RBFOX1: variants seen among roughly 807,000 people sequenced by gnomAD.
The protein encoded by RBFOX1 is RNA binding fox-1 homolog 1, also known as RNA binding protein fox-1 homolog 1.
A neutral mutation model predicts 57.7 loss-of-function variants in RBFOX1; 8 were observed. That is an observed-to-expected ratio of 0.14 (90% CI 0.08 to 0.25). The LOEUF (loss-of-function observed/expected upper bound fraction) is 0.25, where lower values mean the gene tolerates loss of function less well. Ranked by LOEUF, RBFOX1 falls within the 10% of genes least tolerant of loss-of-function variation. The probability of loss-of-function intolerance (pLI) is 1.00; values close to 1 mark genes in which losing one functional copy is unlikely to be tolerated. For synonymous variants in RBFOX1, 326 were observed against 222.4 expected (o/e 1.47, Z -4.15); for missense variants, 611 against 548.5 (o/e 1.11, Z -1.14).
At chr16:7,677,262 C>T (rs1030739018) in intron 14 of RBFOX1, among the ~76,000 whole-genome samples, 31 of 151,970 alleles carry the variant, frequency 2.0e-4, no homozygotes, top group Admixed American at 2.0e-3. Context: ...CAATTTCAAG[C>T]CCCTTTCCTT....
At chr16:5,841,497 A>C (rs1404811380) in intron 3 of RBFOX1, among the ~76,000 whole-genome samples, 3 of 152,216 alleles carry the variant, frequency 2.0e-5, no homozygotes, top group Non-Finnish European at 4.4e-5. Flanking sequence ...CAGATATAAC[A>C]AGTAAAATAC....
intron 3 of RBFOX1, among the ~76,000 whole-genome samples, chr16:6,725,753 A>G (rs2067036929): frequency 6.6e-6 from 1 of 152,096 alleles, no homozygotes; most frequent in Admixed American, 6.6e-5. Flanking sequence ...TTTTTCTATA[A>G]ATGAACCAAA....
intron 10 of RBFOX1, among the ~76,000 whole-genome samples, chr16:7,620,916 G>C (rs2059213955): frequency 6.6e-6 from 1 of 152,030 alleles, no homozygotes; most frequent in Non-Finnish European, 1.5e-5. Flanking sequence ...TGAAACCTAG[G>C]GCCACCTTAA....
chr16:7,677,168 C>T (rs2073583694), intron 14 of RBFOX1, among the ~76,000 whole-genome samples: 1 of 151,064 alleles, frequency 6.6e-6, no homozygotes, highest in Non-Finnish European at 1.5e-5. Context: ...CACCGTACAA[C>T]CTTCTTATGG....
intron 1 of RBFOX1, among the ~76,000 whole-genome samples, chr16:6,219,199 T>C (rs1395880056): frequency 1.3e-5 from 2 of 152,224 alleles, no homozygotes; most frequent in Non-Finnish European, 2.9e-5. Flanking sequence ...CCGAGTGCAG[T>C]GGCTCACACC....
At chr16:6,507,018 A>G (rs746571618) in intron 2 of RBFOX1, among the ~76,000 whole-genome samples, 35 of 152,098 alleles carry the variant, frequency 2.3e-4, no homozygotes, top group Non-Finnish European at 3.8e-4. Context: ...TAGAGGGCTC[A>G]TGACTGCTTC....
chr16:7,666,895 A>T (rs1399984855), intron 13 of RBFOX1, among the ~76,000 whole-genome samples: 1 of 152,164 alleles, frequency 6.6e-6, no homozygotes, highest in Non-Finnish European at 1.5e-5. Context: ...GCAGCGGTGC[A>T]GCTCGGGAAG....
rs143784353 is a variant in RBFOX1 at position 5,576,800 on chromosome 16, T to C, written c.259-22102T>C. Among the ~76,000 whole-genome samples, 203 of 152,330 alleles carry C rather than the reference T, an allele frequency of 1.3e-3. 3 individuals carry two copies. In the East Asian group the frequency reaches 0.014, roughly 11 times the overall value. The stretch of plus-strand genomic sequence containing the variant: ...AAGGAAAAGTTCAGCTTCAGATATC[T>C]TGGGGAATAAGAAGCTGAAGGGTCT... On this transcript the variant is annotated intron_variant, in intron 2 of 2. Transcript: ENST00000585867.
chr16:6,179,837 T>C (rs1009109846), intron 1 of RBFOX1, among the ~76,000 whole-genome samples: 2 of 152,194 alleles, frequency 1.3e-5, no homozygotes, highest in African/African-American at 4.8e-5. Flanking sequence ...GGTTTCACCA[T>C]TTAGTGTGAT....
intron 2 of RBFOX1, among the ~76,000 whole-genome samples, chr16:6,528,416 C>T (rs1187873098): frequency 6.6e-6 from 1 of 152,170 alleles, no homozygotes; most frequent in Non-Finnish European, 1.5e-5. Flanking sequence ...ACAGTCATTG[C>T]AGAGCCAATA....
At chr16:6,782,859 G>C (rs559405562) in intron 3 of RBFOX1, among the ~76,000 whole-genome samples, 3 of 152,030 alleles carry the variant, frequency 2.0e-5, no homozygotes, top group Admixed American at 1.3e-4. Flanking sequence ...ATTGTGCTGG[G>C]GTCTGTTTCT....
chr16:7,038,814 G>T (rs1231685335), intron 3 of RBFOX1, among the ~76,000 whole-genome samples: 1 of 152,156 alleles, frequency 6.6e-6, no homozygotes, highest in African/African-American at 2.4e-5. Flanking sequence ...TGATAATGGG[G>T]TCTTTACCAA....
chr16:6,387,287 G>C (rs1004042030), intron 2 of RBFOX1, among the ~76,000 whole-genome samples: 3 of 152,096 alleles, frequency 2.0e-5, no homozygotes, highest in African/African-American at 7.2e-5. Context: ...GAAAAAAGAA[G>C]TTGAGATGCA....
intron 1 of RBFOX1, among the ~76,000 whole-genome samples, chr16:6,172,556 A>T (rs77857456): frequency 6.6e-6 from 1 of 152,268 alleles, no homozygotes; most frequent in Non-Finnish European, 1.5e-5. Flanking sequence ...GCTCTTCAGG[A>T]TGCACAGTCT....
chr16:6,227,072 C>T (rs972168061), intron 1 of RBFOX1, among the ~76,000 whole-genome samples: 7 of 151,710 alleles, frequency 4.6e-5, no homozygotes, highest in South Asian at 4.2e-4. Flanking sequence ...TGCAGTGAGC[C>T]GAGATTGTGC....
At chr16:7,338,492 C>G (rs1055970596) in intron 4 of RBFOX1, among the ~76,000 whole-genome samples, 2 of 152,158 alleles carry the variant, frequency 1.3e-5, no homozygotes, top group Admixed American at 6.6e-5. Context: ...AACTCCTGGT[C>G]TCAAGTAATC....
chr16:5,413,154 C>T (rs2067068425), intron 1 of RBFOX1, among the ~76,000 whole-genome samples: 1 of 152,164 alleles, frequency 6.6e-6, no homozygotes, highest in Non-Finnish European at 1.5e-5. Flanking sequence ...GTCCTGAGTG[C>T]AGCTGCCAAA....
chr16:7,060,676 G>C (rs1011719681), intron 4 of RBFOX1, among the ~76,000 whole-genome samples: 2 of 151,962 alleles, frequency 1.3e-5, no homozygotes, highest in East Asian at 1.9e-4. Context: ...TTTTTTATTG[G>C]ATCCCCCAGC....
rs74007778 is a variant in RBFOX1 at position 6,858,445 on chromosome 16, G to A, written c.-15-193612G>A. Reference sequence around the variant, plus strand: ...GGACTTGAAGGAGTTCCACAATCTCGTTATGGGAAGGACTTAGGCATAGCA... The same window carrying A: ...GGACTTGAAGGAGTTCCACAATCTCATTATGGGAAGGACTTAGGCATAGCA... On this transcript the variant is annotated intron_variant, in intron 3 of 15. Coordinates refer to ENST00000550418, the MANE Select transcript of RBFOX1 (RefSeq NM_018723.4). Among the ~76,000 whole-genome samples, 61 of 152,194 alleles carry A rather than the reference G, an allele frequency of 4.0e-4. No homozygotes were observed. In the East Asian group the frequency reaches 0.011, roughly 28 times the overall value.
Sources: allele counts gnomAD v4.1 joint callset (sites outside exome capture counted in the v4.1 genomes callset), GRCh38; gene constraint gnomAD v4.1.1; transcripts MANE v1.5; gene names NCBI Gene and HGNC (gene_info 2026-07-23, HGNC 2026-07-21).